Variants in SYT6 observed in about 807,000 individuals in gnomAD.
SYT6 encodes the protein synaptotagmin 6.
In SYT6, 24 loss-of-function variants were observed where a neutral mutation model predicts 38.4. That is an observed-to-expected ratio of 0.62 (90% CI 0.45 to 0.88). The LOEUF is 0.88. Ranked by LOEUF, SYT6 falls within the 40% of genes least tolerant of loss-of-function variation. SYT6 has a pLI of 0.00. For missense variants in SYT6, 611 were observed against 621.0 expected, an observed-to-expected ratio of 0.98 and a Z score of 0.17; for synonymous variants, 265 against 241.9, an observed-to-expected ratio of 1.10 and a Z score of -0.89.
Position 114,143,557 on chromosome 1 carries a change from C to CGTGTGTGTGT in SYT6, c.164-3595_164-3594insACACACACAC, listed in dbSNP as rs149047400. 6.3e-3 allele frequency among the ~76,000 whole-genome samples: 927 copies of CGTGTGTGTGT among 147,088 alleles called. 7 individuals carry two copies. The highest frequency in any genetic ancestry group is 0.022 in the African/African-American group (888 of 39,916). ...ATATAAGTTATATATAACTTATGTGCATGTGTGTGTGTGTGTGTATATATA... is the reference window on the plus strand; with the variant it reads ...ATATAAGTTATATATAACTTATGTGCGTGTGTGTGTATGTGTGTGTGTGTGTGTATATATA... On this transcript the variant is annotated intron_variant, in intron 1 of 7. Transcript: ENST00000610222.
At chr1:114,139,074 AT>A (rs1316538051) in intron 2 of SYT6, among the ~76,000 whole-genome samples, 1 of 152,080 alleles carries the variant, frequency 6.6e-6, no homozygotes, top group African/African-American at 2.4e-5. Flanking sequence ...TTTTGTCGTT[AT>A]GTTTTTCTTG....
At chr1:114,139,986 A>G in intron 1 of SYT6, 23 bp from the exon 2 acceptor site, 1 of 1,413,084 alleles carries the variant, frequency 7.1e-7, no homozygotes, top group Middle Eastern at 1.8e-4. Flanking sequence ...TGAGCCAGGC[A>G]GGGAGGGACA....
intron 3 of SYT6, among the ~76,000 whole-genome samples, chr1:114,120,529 T>C (rs1015972415): frequency 2.0e-5 from 3 of 152,224 alleles, no homozygotes; most frequent in Non-Finnish European, 4.4e-5. Flanking sequence ...TTTAATCTTG[T>C]CGCATGTCCT....
At position 114,108,278 on chromosome 1, in the gene SYT6, A is replaced by G. The variant is rs552809449; in HGVS notation, c.1072-4557T>C. On this transcript the variant is annotated intron_variant, in intron 3 of 7. Coordinates refer to ENST00000610222, the MANE Select transcript of SYT6 (RefSeq NM_001253772.2). ...AAGGCTCACCTATCTATAGCACAAC[A>G]CTGTGCTCCCTGGCTTCCCAGAGGC... Among the ~76,000 whole-genome samples, 6 of 152,294 alleles carry G rather than the reference A, an allele frequency of 3.9e-5. No homozygotes were observed. The South Asian group carries it at 1.2e-3, about 32-fold the overall frequency.
intron 3 of SYT6, among the ~76,000 whole-genome samples, chr1:114,117,306 C>T (rs551813995): frequency 3.9e-5 from 6 of 152,322 alleles, no homozygotes; most frequent in East Asian, 3.9e-4. Flanking sequence ...GTAGGAAAAC[C>T]GAGACGTGCA....
intron 3 of SYT6, among the ~76,000 whole-genome samples, chr1:114,106,258 A>G (rs886212219): frequency 1.3e-5 from 2 of 151,778 alleles, no homozygotes; most frequent in Non-Finnish European, 2.9e-5. Context: ...ACTAGGAACC[A>G]ACCCATTGCA....
At chr1:114,151,628 A>G (rs1012543572) in intron 1 of SYT6, among the ~76,000 whole-genome samples, 2 of 151,840 alleles carry the variant, frequency 1.3e-5, no homozygotes, top group Non-Finnish European at 2.9e-5. Context: ...CCCAGATGGA[A>G]CTCCACAGGT....
intron 3 of SYT6, among the ~76,000 whole-genome samples, chr1:114,129,143 TC>T (rs1230596101): frequency 6.6e-6 from 1 of 152,252 alleles, no homozygotes; most frequent in African/African-American, 2.4e-5. Context: ...AAATCTTGAT[TC>T]TTCTCTTTCT....
At chr1:114,128,705 C>A (rs981483534) in intron 3 of SYT6, among the ~76,000 whole-genome samples, 4 of 152,180 alleles carry the variant, frequency 2.6e-5, no homozygotes, top group Non-Finnish European at 4.4e-5. Flanking sequence ...CTGAGCCTTA[C>A]CCCCATCCTC....
intron 1 of SYT6, among the ~76,000 whole-genome samples, chr1:114,145,514 T>G (rs961335424): frequency 1.3e-4 from 15 of 117,774 alleles, no homozygotes; most frequent in African/African-American, 2.4e-4. Context: ...TTTTTTTTTT[T>G]TTTTTTTTTT....
intron 3 of SYT6, among the ~76,000 whole-genome samples, chr1:114,114,323 A>G (rs1571848106): frequency 6.6e-6 from 1 of 152,056 alleles, no homozygotes; most frequent in Non-Finnish European, 1.5e-5. Context: ...TTTACTCACC[A>G]CTGTATTCTC....
chr1:114,151,657 C>T (rs1451323504), intron 1 of SYT6, among the ~76,000 whole-genome samples: 1 of 152,164 alleles, frequency 6.6e-6, no homozygotes, highest in East Asian at 1.9e-4. Context: ...ACCCTCTAGG[C>T]TCTGAGGGTC....
chr1:114,118,273 AG>A (rs1346872299), intron 3 of SYT6, among the ~76,000 whole-genome samples: 12 of 152,228 alleles, frequency 7.9e-5, no homozygotes, highest in Non-Finnish European at 1.3e-4. Context: ...CAAAAATTAC[AG>A]GCCGCATGTT....
At chr1:114,151,665 G>A (rs150460831) in intron 1 of SYT6, among the ~76,000 whole-genome samples, 25 of 152,294 alleles carry the variant, frequency 1.6e-4, no homozygotes, top group Non-Finnish European at 2.9e-4. Context: ...GGCTCTGAGG[G>A]TCAGGACCAG....
At chr1:114,139,474 T>C (rs1678718189) in intron 2 of SYT6, 141 bp downstream of exon 2, 1 of 1,362,628 alleles carries the variant, frequency 7.3e-7, no homozygotes, top group Admixed American at 2.5e-5. Flanking sequence ...CCATCATGGC[T>C]CACATCATCT....
intron 7 of SYT6, 62 bp downstream of exon 7, chr1:114,093,673 G>C: frequency 6.7e-7 from 1 of 1,502,118 alleles, no homozygotes; most frequent in Non-Finnish European, 9.2e-7. Flanking sequence ...CCACACTAGG[G>C]GAAGAAGGAG....
At chr1:114,124,381 C>T (rs1159381430) in intron 3 of SYT6, among the ~76,000 whole-genome samples, 1 of 152,068 alleles carries the variant, frequency 6.6e-6, no homozygotes, top group Admixed American at 6.5e-5. Flanking sequence ...GGGGCTGGGG[C>T]TGGACAGAAG....
rs1412261814 is a variant in SYT6, at chr1:114,103,688, G to T, written c.1105C>A (p.Leu369Ile). Residue 369 changes from leucine (L) to isoleucine (I), a missense_variant, in exon 4 of 8, where the codon CTT (leucine) becomes ATT (isoleucine). Transcript: ENST00000610222. The part of the protein sequence containing the change: ...SVDLGEIMFS[L>I]CYLPTAGRLT... ...CTGCCTGCAGTGGGCAGGTAGCAAA[G>T]GGAGAACATGATCTCTCCCAAGTCC... is the stretch of plus-strand genomic sequence containing the variant. 3 of 1,614,098 alleles carry T rather than the reference G, an allele frequency of 1.9e-6. No individual in the cohort carries two copies. The highest frequency in any genetic ancestry group is 2.5e-6 in the Non-Finnish European group (3 of 1,180,016).
intron 6 of SYT6, among the ~76,000 whole-genome samples, chr1:114,096,320 C>G (rs2101621724): frequency 6.6e-6 from 1 of 152,276 alleles, no homozygotes; most frequent in East Asian, 1.9e-4. Flanking sequence ...ACTGGCCTCA[C>G]TCATTAAAGC....
Sources: allele counts gnomAD v4.1 joint callset (sites outside exome capture counted in the v4.1 genomes callset), GRCh38; gene constraint gnomAD v4.1.1; transcripts MANE v1.5; gene names NCBI Gene and HGNC (gene_info 2026-07-23, HGNC 2026-07-21).